Variants in WDR7 observed in about 807,000 individuals in gnomAD.
The protein encoded by WDR7 is WD repeat-containing protein 7.
Under a neutral mutation model 169.4 loss-of-function variants are expected in WDR7, and 46 were observed. That is an observed-to-expected ratio of 0.27 (90% confidence interval 0.21 to 0.35). The LOEUF is 0.35. WDR7 is among the 10% of genes least tolerant of loss of function. WDR7 has a pLI of 1.00. For synonymous variants in WDR7, 612 were observed against 666.8 expected (o/e 0.92, Z 1.27); for missense variants, 1,534 against 1,859.3 (o/e 0.83, Z 3.22).
chr18:56,793,736 T>C (rs1049596328), intron 19 of WDR7, among the ~76,000 whole-genome samples: 4 of 152,214 alleles, frequency 2.6e-5, no homozygotes, highest in African/African-American at 9.6e-5. Flanking sequence ...AAGTTTATCA[T>C]TGAAACACAT....
At chr18:56,865,492 C>T (rs1304269386) in intron 20 of WDR7, among the ~76,000 whole-genome samples, 1 of 152,098 alleles carries the variant, frequency 6.6e-6, no homozygotes, top group Non-Finnish European at 1.5e-5. Flanking sequence ...AATTTATTTG[C>T]AGTATTCTGA....
At chr18:56,954,402 C>T (rs1394745496) in intron 25 of WDR7, among the ~76,000 whole-genome samples, 1 of 152,006 alleles carries the variant, frequency 6.6e-6, no homozygotes, top group Non-Finnish European at 1.5e-5. Context: ...TGAGGTAAGC[C>T]ATTTCTACTG....
chr18:56,959,825 T>TA (rs1214606545), intron 25 of WDR7, among the ~76,000 whole-genome samples: 1 of 152,118 alleles, frequency 6.6e-6, no homozygotes, highest in Admixed American at 6.6e-5. Flanking sequence ...TGACAGACCT[T>TA]ACATAGAGGA....
At chr18:56,723,845 T>C (rs2026377058) in intron 13 of WDR7, among the ~76,000 whole-genome samples, 1 of 152,094 alleles carries the variant, frequency 6.6e-6, no homozygotes, top group South Asian at 2.1e-4. Context: ...TTGAAGTTGT[T>C]CTTCAGCTCA....
At chr18:56,843,857 C>CTTTTTTTTTTT (rs776575088) in intron 20 of WDR7, among the ~76,000 whole-genome samples, 155 of 134,268 alleles carry the variant, frequency 1.2e-3, no homozygotes, top group Non-Finnish European at 1.5e-3. Flanking sequence ...TTTTTTCTTT[C>CTTTTTTTTTTT]TTTTTTTTTT....
chr18:56,815,024 TC>T (rs2145211238), intron 19 of WDR7, among the ~76,000 whole-genome samples: 1 of 152,306 alleles, frequency 6.6e-6, no homozygotes, highest in South Asian at 2.1e-4. Context: ...CTAAGGTTCT[TC>T]CTCTTTTGGT....
chr18:57,009,259 A>C (rs1333147522), intron 26 of WDR7, among the ~76,000 whole-genome samples: 4 of 152,190 alleles, frequency 2.6e-5, no homozygotes, highest in Non-Finnish European at 5.9e-5. Context: ...TTTATTTTGA[A>C]CAATGCAATT....
chr18:56,697,260 T>C (rs2025724504), intron 12 of WDR7, among the ~76,000 whole-genome samples: 1 of 152,206 alleles, frequency 6.6e-6, no homozygotes, highest in South Asian at 2.1e-4. Flanking sequence ...AAAACAGTCT[T>C]ACTGGTGTAT....
chr18:57,017,477 C>CTGTGTGTGTGTGTGTGTG (rs57440164), intron 26 of WDR7, among the ~76,000 whole-genome samples: 4 of 134,728 alleles, frequency 3.0e-5, no homozygotes, highest in Non-Finnish European at 6.2e-5. Context: ...CCAAGTCATG[C>CTGTGTGTGTGTGTGTGTG]TGTGTGTGTG....
intron 1 of WDR7, among the ~76,000 whole-genome samples, chr18:56,655,272 T>A (rs2024742037): frequency 1.3e-5 from 2 of 152,176 alleles, no homozygotes; most frequent in African/African-American, 4.8e-5. Context: ...ACAATGCCTG[T>A]GTATAGTTCT....
intron 21 of WDR7, among the ~76,000 whole-genome samples, chr18:56,923,391 C>T (rs1423786206): frequency 1.3e-5 from 2 of 152,194 alleles, no homozygotes; most frequent in African/African-American, 4.8e-5. Context: ...CATCATTGTA[C>T]TATATCAGTA....
intron 22 of WDR7, among the ~76,000 whole-genome samples, chr18:56,933,908 G>C (rs1794609275): frequency 6.6e-6 from 1 of 152,208 alleles, no homozygotes; most frequent in Non-Finnish European, 1.5e-5. Flanking sequence ...GTGCCTTCCA[G>C]ATCTAGGAGG....
At chr18:56,875,289 C>G (rs2046007719) in intron 20 of WDR7, among the ~76,000 whole-genome samples, 1 of 152,158 alleles carries the variant, frequency 6.6e-6, no homozygotes, top group Non-Finnish European at 1.5e-5. Context: ...TATTGTAAAG[C>G]TCTCCACTTC....
chr18:56,854,189 A>G (rs2045682798), intron 20 of WDR7, among the ~76,000 whole-genome samples: 5 of 152,168 alleles, frequency 3.3e-5, no homozygotes, highest in Admixed American at 3.3e-4. Flanking sequence ...GTGTCCTCCA[A>G]TTCAGTCCTC....
chr18:56,904,652 T>G (rs2046452009), intron 21 of WDR7, among the ~76,000 whole-genome samples: 1 of 152,174 alleles, frequency 6.6e-6, no homozygotes, highest in Non-Finnish European at 1.5e-5. Flanking sequence ...AGAATGCACT[T>G]TCTTCCTGAC....
chr18:56,660,226 G>A (rs1412922461), intron 1 of WDR7, among the ~76,000 whole-genome samples: 2 of 152,138 alleles, frequency 1.3e-5, no homozygotes, highest in Admixed American at 6.6e-5. Context: ...TTTTGGACAT[G>A]CCAAGTTTGA....
At chr18:57,001,096 T>G (rs556829668) in intron 26 of WDR7, among the ~76,000 whole-genome samples, 7 of 146,056 alleles carry the variant, frequency 4.8e-5, no homozygotes, top group Non-Finnish European at 9.1e-5. Context: ...AGATGTAAGT[T>G]TATGTTTAGG....
At chr18:56,755,141 G>A (rs2043864990) in intron 14 of WDR7, among the ~76,000 whole-genome samples, 1 of 149,922 alleles carries the variant, frequency 6.7e-6, no homozygotes. Flanking sequence ...TTTAAGAAAT[G>A]TTTGTATCTG....
chr18:56,696,124 T>G (rs1276469486), intron 11 of WDR7, 118 bp from the exon 12 acceptor site: 3 of 832,180 alleles, frequency 3.6e-6, no homozygotes, highest in Non-Finnish European at 5.6e-6. Context: ...AAGATAAAAT[T>G]GGAAGCCTTT....
Sources: gnomAD v4.1 joint callset for allele counts (sites outside exome capture counted in the v4.1 genomes callset) on GRCh38, gnomAD v4.1.1 for gene constraint, MANE v1.5 for transcripts, NCBI Gene and HGNC (gene_info 2026-07-23, HGNC 2026-07-21) for gene names.